WDPCP: variants seen among roughly 807,000 people sequenced by gnomAD.
WDPCP encodes the protein WD repeat-containing and planar cell polarity effector protein fritz homolog.
In WDPCP, 71 loss-of-function variants were observed where a neutral mutation model predicts 93.1. That is an observed-to-expected ratio of 0.76 (90% CI 0.63 to 0.93). WDPCP has a LOEUF of 0.93. WDPCP is among the 40% of genes least tolerant of loss of function. The probability of loss-of-function intolerance (pLI) is 0.00; values close to 1 mark genes in which losing one functional copy is unlikely to be tolerated. For synonymous variants in WDPCP, 315 were observed against 315.0 expected, an observed-to-expected ratio of 1.00 and a Z score of 0.00; for missense variants, 844 against 887.4, an observed-to-expected ratio of 0.95 and a Z score of 0.62.
intron 2 of WDPCP, among the ~76,000 whole-genome samples, chr2:63,662,715 T>C (rs927491673): frequency 6.7e-6 from 1 of 149,754 alleles, no homozygotes; most frequent in African/African-American, 2.5e-5. Context: ...GAGAGAGGGG[T>C]AGGTGGCTCC....
chr2:63,649,394 C>T (rs1241101362), intron 3 of WDPCP, among the ~76,000 whole-genome samples: 1 of 152,168 alleles, frequency 6.6e-6, no homozygotes, highest in Non-Finnish European at 1.5e-5. Flanking sequence ...TCTTTTATGA[C>T]TGAATAATAT....
At chr2:63,420,848 T>C (rs1695806745) in intron 9 of WDPCP, among the ~76,000 whole-genome samples, 1 of 152,250 alleles carries the variant, frequency 6.6e-6, no homozygotes, top group Admixed American at 6.5e-5. Flanking sequence ...ACCCTCTGAA[T>C]TCACCACAAG....
At chr2:63,834,095 A>G in the WDPCP span, among the ~76,000 whole-genome samples, 1 of 152,124 alleles carries the variant, frequency 6.6e-6, no homozygotes, top group Admixed American at 6.5e-5. Flanking sequence ...GCAAAGGTCT[A>G]TCTGTATTCT....
At chr2:63,245,680 T>G (rs1680215775) in intron 14 of WDPCP, among the ~76,000 whole-genome samples, 2 of 152,090 alleles carry the variant, frequency 1.3e-5, no homozygotes, top group Non-Finnish European at 2.9e-5. Flanking sequence ...CCAGCAAAGA[T>G]CATGATGAAC....
intron 14 of WDPCP, among the ~76,000 whole-genome samples, chr2:63,192,342 A>G (rs1481093654): frequency 6.6e-6 from 1 of 152,196 alleles, no homozygotes; most frequent in Non-Finnish European, 1.5e-5. Context: ...TTTCAATTCC[A>G]TGAAGTAGAC....
At chr2:63,489,750 A>G (rs10167957) in intron 2 of WDPCP, among the ~76,000 whole-genome samples, 10,557 of 152,156 alleles carry the variant, frequency 0.069, 1,107 homozygotes, top group African/African-American at 0.23. Context: ...AACTCCATAA[A>G]GTGGAAAACT....
At chr2:63,360,645 G>A (rs569341272) in intron 12 of WDPCP, among the ~76,000 whole-genome samples, 12 of 152,286 alleles carry the variant, frequency 7.9e-5, no homozygotes, top group Non-Finnish European at 1.5e-4. Context: ...ATAAAGGCAC[G>A]TGGTGCATTC....
At position 63,345,030 on chromosome 2, in the gene WDPCP, G is replaced by T. The variant is rs531280486; in HGVS notation, c.1749-31719C>A. Among the ~76,000 whole-genome samples, 7 of 152,236 alleles carry T rather than the reference G, an allele frequency of 4.6e-5. No homozygotes were observed. In the South Asian group the frequency reaches 1.2e-3, roughly 27 times the overall value. On this transcript the variant is annotated intron_variant, in intron 12 of 17. Coordinates refer to ENST00000272321, the MANE Select transcript of WDPCP (RefSeq NM_015910.7). ...TTTATAATCTAATTTTCAAAAAATT[G>T]ATTCTGTCAGTTTTTGCCTACTTAA...
At chr2:63,129,421 C>T (rs1559139965) in intron 17 of WDPCP, among the ~76,000 whole-genome samples, 1 of 152,186 alleles carries the variant, frequency 6.6e-6, no homozygotes, top group East Asian at 1.9e-4. Flanking sequence ...CTAGTTTCTC[C>T]ACATCCTTAT....
At chr2:63,153,676 T>A (rs1277291019) in intron 15 of WDPCP, 102 bp from the exon 16 acceptor site, 1 of 691,500 alleles carries the variant, frequency 1.4e-6, no homozygotes, top group East Asian at 3.1e-5. Flanking sequence ...ATTTTAAAGT[T>A]TCTGGGTTAA....
At chr2:63,638,969 A>G (rs545690628) in intron 3 of WDPCP, among the ~76,000 whole-genome samples, 1 of 152,346 alleles carries the variant, frequency 6.6e-6, no homozygotes, top group East Asian at 1.9e-4. Flanking sequence ...CACTCAAAGA[A>G]TAATAAGGGA....
chr2:63,283,163 T>A (rs1476003582), intron 13 of WDPCP, among the ~76,000 whole-genome samples: 1 of 152,178 alleles, frequency 6.6e-6, no homozygotes, highest in Non-Finnish European at 1.5e-5. Context: ...ATATAAATGT[T>A]TTTTAATCGC....
intron 6 of WDPCP, among the ~76,000 whole-genome samples, chr2:63,456,792 G>A (rs1249731984): frequency 2.0e-5 from 3 of 152,138 alleles, no homozygotes; most frequent in Non-Finnish European, 4.4e-5. Context: ...TGAGGCAGGC[G>A]AATCACTTGA....
intron 6 of WDPCP, among the ~76,000 whole-genome samples, chr2:63,444,787 C>T (rs1426329760): frequency 6.6e-6 from 1 of 152,122 alleles, no homozygotes; most frequent in Non-Finnish European, 1.5e-5. Context: ...ATAACTGAGG[C>T]AAATAGAAAC....
chr2:63,373,596 A>C (rs1361647995), intron 12 of WDPCP, among the ~76,000 whole-genome samples: 1 of 151,382 alleles, frequency 6.6e-6, no homozygotes, highest in African/African-American at 2.4e-5. Context: ...AAAAAAAAAA[A>C]CTGAGGAAAA....
intron 12 of WDPCP, among the ~76,000 whole-genome samples, chr2:63,358,873 C>G (rs1690223792): frequency 1.3e-5 from 2 of 152,184 alleles, no homozygotes; most frequent in African/African-American, 4.8e-5. Context: ...AATTTCTATA[C>G]AGACTACCCA....
At chr2:63,431,089 C>T (rs753657702) in intron 9 of WDPCP, among the ~76,000 whole-genome samples, 7 of 152,136 alleles carry the variant, frequency 4.6e-5, no homozygotes, top group Non-Finnish European at 5.9e-5. Context: ...TGTTAAAACT[C>T]GCATTTGGTT....
intron 13 of WDPCP, among the ~76,000 whole-genome samples, chr2:63,291,036 G>C (rs1285256829): frequency 2.6e-5 from 4 of 152,096 alleles, no homozygotes; most frequent in Non-Finnish European, 5.9e-5. Flanking sequence ...ATAAGTCACT[G>C]AGACTCTGCT....
chr2:63,685,678 T>C (rs1393300647), intron 2 of WDPCP, among the ~76,000 whole-genome samples: 3 of 152,204 alleles, frequency 2.0e-5, no homozygotes, highest in Admixed American at 6.5e-5. Context: ...CCAATATCTC[T>C]GATGAATATT....
Sources: allele counts gnomAD v4.1 joint callset (sites outside exome capture counted in the v4.1 genomes callset), GRCh38; gene constraint gnomAD v4.1.1; transcripts MANE v1.5; gene names NCBI Gene and HGNC (gene_info 2026-07-23, HGNC 2026-07-21).